Variants in OLFM3 observed in about 807,000 individuals in gnomAD.
OLFM3 encodes olfactomedin 3.
OLFM3 carries 20 observed loss-of-function variants against 48.6 expected under a neutral mutation model. The observed-to-expected ratio is 0.41, with a 90% confidence interval of 0.29 to 0.60. OLFM3 has a LOEUF of 0.60. OLFM3 is among the 20% of genes least tolerant of loss of function. The probability of loss-of-function intolerance (pLI) is 0.28; values close to 1 mark genes in which losing one functional copy is unlikely to be tolerated. For missense variants in OLFM3, 437 were observed against 544.3 expected (o/e 0.80, Z 1.96); for synonymous variants, 222 against 198.1 (o/e 1.12, Z -1.01).
At chr1:101,814,801 AT>A (rs1654248137) in intron 4 of OLFM3, among the ~76,000 whole-genome samples, 1 of 152,224 alleles carries the variant, frequency 6.6e-6, no homozygotes, top group Non-Finnish European at 1.5e-5. Flanking sequence ...AGAAGATTAA[AT>A]AAAAAATATG....
At chr1:101,858,721 G>T (rs923238341) in intron 1 of OLFM3, among the ~76,000 whole-genome samples, 1 of 151,966 alleles carries the variant, frequency 6.6e-6, no homozygotes, top group Non-Finnish European at 1.5e-5. Context: ...TCCTGTGCCA[G>T]CCATGTAAGA....
chr1:101,829,334 G>T (rs1294527123), intron 3 of OLFM3, among the ~76,000 whole-genome samples: 1 of 151,966 alleles, frequency 6.6e-6, no homozygotes, highest in East Asian at 1.9e-4. Context: ...TACTTAACCT[G>T]CTGGTTTTGT....
chr1:101,821,708 T>G (rs1232072979), intron 4 of OLFM3, among the ~76,000 whole-genome samples: 1 of 152,140 alleles, frequency 6.6e-6, no homozygotes, highest in Non-Finnish European at 1.5e-5. Context: ...AACTGAAGGC[T>G]GCTAATAATC....
At chr1:101,936,688 C>T (rs1021424260) in intron 1 of OLFM3, among the ~76,000 whole-genome samples, 2 of 152,140 alleles carry the variant, frequency 1.3e-5, no homozygotes, top group Non-Finnish European at 1.5e-5. Context: ...GGAGGCATCA[C>T]GTTACCCAAC....
chr1:101,815,562 G>A (rs1003793128), intron 4 of OLFM3, among the ~76,000 whole-genome samples: 4 of 151,972 alleles, frequency 2.6e-5, no homozygotes, highest in Admixed American at 2.0e-4. Context: ...AGAATAAAGT[G>A]GATAGGACTA....
chr1:101,828,963 G>T lies in OLFM3; in HGVS notation c.372+1709C>A, dbSNP rs1431188710. On this transcript the variant is annotated intron_variant, in intron 3 of 5. Coordinates refer to ENST00000370103, the MANE Select transcript of OLFM3 (RefSeq NM_058170.4). ...TATAATTTAATAGTGGAGGGGTAGG[G>T]TCACTAGTACGAAACCAGCTCTTCT... Among the ~76,000 whole-genome samples, 4 of 152,120 alleles carry T rather than the reference G, an allele frequency of 2.6e-5. No homozygotes were observed. The East Asian group carries it at 5.8e-4, about 22-fold the overall frequency.
chr1:101,839,405 T>C (rs1288694494), intron 1 of OLFM3, among the ~76,000 whole-genome samples: 4 of 152,162 alleles, frequency 2.6e-5, no homozygotes, highest in African/African-American at 7.2e-5. Flanking sequence ...ACCAGAGTAA[T>C]TTCAATGATA....
chr1:101,972,173 T>G (rs1040229415), intron 1 of OLFM3, among the ~76,000 whole-genome samples: 1 of 152,218 alleles, frequency 6.6e-6, no homozygotes, highest in Non-Finnish European at 1.5e-5. Flanking sequence ...GTGAAAGTAA[T>G]GATAATGTGG....
intron 1 of OLFM3, chr1:101,882,545 G>C (rs1278487889): frequency 6.6e-6 from 1 of 151,734 alleles, no homozygotes; most frequent in Admixed American, 6.6e-5. Flanking sequence ...TATTGATCTG[G>C]ATCCCTGAGA....
chr1:101,825,013 T>C lies in OLFM3; in HGVS notation c.592+13A>G, dbSNP rs1449353147. On this transcript the variant is annotated intron_variant, in intron 4 of 5. Transcript: ENST00000370103. ...AAAAACGTAACTTAGACAAATTAAA[T>C]TGTCATACTCACTTAGCTTTTTCAT... 1.3e-5 allele frequency: 21 copies of C among 1,608,268 alleles called. No individual in the cohort carries two copies. Among genetic ancestry groups the C allele is most frequent in the Non-Finnish European group, 1.8e-5 (21 of 1,175,110 alleles).
chr1:101,940,906 G>A (rs527648532), intron 1 of OLFM3, among the ~76,000 whole-genome samples: 1 of 152,188 alleles, frequency 6.6e-6, no homozygotes, highest in Non-Finnish European at 1.5e-5. Context: ...AATTGGCACT[G>A]AAAAGTGATA....
At chr1:101,961,249 A>G (rs1019988306) in intron 1 of OLFM3, among the ~76,000 whole-genome samples, 3 of 152,072 alleles carry the variant, frequency 2.0e-5, no homozygotes, top group African/African-American at 7.2e-5. Context: ...AAGAGAAACT[A>G]ATTTGTAATT....
chr1:101,983,765 T>TC (rs1409517853), intron 1 of OLFM3, among the ~76,000 whole-genome samples: 1 of 152,220 alleles, frequency 6.6e-6, no homozygotes, highest in Non-Finnish European at 1.5e-5. Context: ...CACATTTTTT[T>TC]CTCAATTGCA....
At chr1:101,964,161 T>C (rs1469512282) in intron 1 of OLFM3, among the ~76,000 whole-genome samples, 2 of 152,030 alleles carry the variant, frequency 1.3e-5, no homozygotes, top group Non-Finnish European at 2.9e-5. Flanking sequence ...AGATTGTAGG[T>C]GGTGATGGTG....
chr1:101,822,625 A>T (rs1654663619), intron 4 of OLFM3, among the ~76,000 whole-genome samples: 1 of 152,138 alleles, frequency 6.6e-6, no homozygotes, highest in African/African-American at 2.4e-5. Context: ...GCTAATAGAA[A>T]ATGCATCTGG....
At chr1:101,972,310 C>G (rs761684532) in intron 1 of OLFM3, among the ~76,000 whole-genome samples, 6 of 152,134 alleles carry the variant, frequency 3.9e-5, no homozygotes, top group Non-Finnish European at 5.9e-5. Context: ...TACTGAATGT[C>G]TTTATCATAA....
chr1:101,821,076 C>A (rs554772907), intron 4 of OLFM3, among the ~76,000 whole-genome samples: 1 of 151,990 alleles, frequency 6.6e-6, no homozygotes. Flanking sequence ...TTTCTCTACC[C>A]TTTCTGTTAA....
intron 1 of OLFM3, among the ~76,000 whole-genome samples, chr1:101,988,601 G>A (rs541058995): frequency 1.3e-5 from 2 of 152,010 alleles, no homozygotes; most frequent in South Asian, 2.1e-4. Flanking sequence ...ATTTAACCCA[G>A]GATTTCAAGT....
At chr1:101,925,668 G>A (rs1028548637) in intron 1 of OLFM3, among the ~76,000 whole-genome samples, 2 of 151,268 alleles carry the variant, frequency 1.3e-5, no homozygotes, top group African/African-American at 4.9e-5. Context: ...ACAGGAACGT[G>A]TTACCACTCC....
Sources: allele counts gnomAD v4.1 joint callset (sites outside exome capture counted in the v4.1 genomes callset), GRCh38; gene constraint gnomAD v4.1.1; transcripts MANE v1.5; gene names NCBI Gene and HGNC (gene_info 2026-07-23, HGNC 2026-07-21).